The following SOX5 variants were observed in gnomAD, a reference collection of about 807,000 sequenced individuals.
SOX5 encodes the protein transcription factor SOX-5.
In SOX5, 9 loss-of-function variants were observed where a neutral mutation model predicts 92.0. That is an observed-to-expected ratio of 0.10 (90% CI 0.06 to 0.17). The LOEUF (loss-of-function observed/expected upper bound fraction) is 0.17. SOX5 is among the 10% of genes least tolerant of loss of function. The pLI, the probability that SOX5 is intolerant of heterozygous loss-of-function variation, is 1.00. For synonymous variants in SOX5, 344 were observed against 336.3 expected (o/e 1.02, Z -0.25); for missense variants, 642 against 944.5 (o/e 0.68, Z 4.20).
At chr12:23,726,296 A>C (rs1279421073) in intron 6 of SOX5, among the ~76,000 whole-genome samples, 3 of 152,146 alleles carry the variant, frequency 2.0e-5, no homozygotes, top group Non-Finnish European at 4.4e-5. Flanking sequence ...GATGTCTGGA[A>C]TGTATGTCTT....
chr12:24,470,679 A>G (rs1944718660), intron 1 of SOX5, among the ~76,000 whole-genome samples: 1 of 152,218 alleles, frequency 6.6e-6, no homozygotes. Flanking sequence ...TACAATGAGT[A>G]TTAGAAAACA....
intron 3 of SOX5, among the ~76,000 whole-genome samples, chr12:24,273,069 C>A (rs538083089): frequency 6.6e-6 from 1 of 152,248 alleles, no homozygotes; most frequent in Non-Finnish European, 1.5e-5. Context: ...CCCGTCTCTA[C>A]TAAAAGTATA....
chr12:23,781,844 G>C (rs934494326), intron 3 of SOX5, among the ~76,000 whole-genome samples: 1 of 151,998 alleles, frequency 6.6e-6, no homozygotes, highest in African/African-American at 2.4e-5. Flanking sequence ...CTAAATTAAA[G>C]GCCAAATACA....
intron 1 of SOX5, among the ~76,000 whole-genome samples, chr12:24,540,784 T>A (rs1952052328): frequency 6.6e-6 from 1 of 152,144 alleles, no homozygotes; most frequent in Non-Finnish European, 1.5e-5. Context: ...TATGAATGCA[T>A]AAATTATAGT....
At chr12:24,520,992 A>C (rs1369080038) in intron 1 of SOX5, among the ~76,000 whole-genome samples, 1 of 152,230 alleles carries the variant, frequency 6.6e-6, no homozygotes, top group Non-Finnish European at 1.5e-5. Flanking sequence ...AGAGTACCTA[A>C]ATACATAAAG....
intron 4 of SOX5, among the ~76,000 whole-genome samples, chr12:24,041,997 G>A (rs1262427486): frequency 6.6e-6 from 1 of 151,986 alleles, no homozygotes; most frequent in Non-Finnish European, 1.5e-5. Flanking sequence ...AATCATTAAG[G>A]TTGTTTGTTT....
intron 1 of SOX5, among the ~76,000 whole-genome samples, chr12:24,392,895 AG>A (rs1959143111): frequency 6.6e-6 from 1 of 152,130 alleles, no homozygotes; most frequent in Non-Finnish European, 1.5e-5. Context: ...GACTGGGGAC[AG>A]ATTCGGCAAG....
chr12:24,259,858 CA>C (rs1012392961), intron 3 of SOX5, among the ~76,000 whole-genome samples: 9 of 151,818 alleles, frequency 5.9e-5, no homozygotes, highest in African/African-American at 1.9e-4. Context: ...TTCCATAATT[CA>C]AAAAAATAAC....
chr12:24,457,586 T>C (rs1943159049), intron 1 of SOX5, among the ~76,000 whole-genome samples: 1 of 152,208 alleles, frequency 6.6e-6, no homozygotes, highest in South Asian at 2.1e-4. Flanking sequence ...TTCTAGTATT[T>C]GTAGTTTTAT....
Position 23,970,840 on chromosome 12 carries a change from A to ATTTTTTTTTT in SOX5, c.-1-74817_-1-74816insAAAAAAAAAA. 2.7e-4 allele frequency among the ~76,000 whole-genome samples: 9 copies of ATTTTTTTTTT among 33,480 alleles called. 1 individual carries two copies. The highest frequency in any genetic ancestry group is 7.2e-4 in the African/African-American group (7 of 9,768). The allele number at this position is 33,480 out of a possible 152,430, so 22.0% of individuals were successfully genotyped here. On this transcript the variant is annotated intron_variant, in intron 4 of 4. Coordinates refer to the SOX5 transcript ENST00000446891. ...CACATGGGACTTTATATATATATAT[A>ATTTTTTTTTT]ATTTTTTTTTTTTTTTAAGAAATGG...
chr12:24,193,014 AAATAATATGCATCT>A (rs1956675577), intron 4 of SOX5, among the ~76,000 whole-genome samples: 1 of 152,238 alleles, frequency 6.6e-6, no homozygotes, highest in South Asian at 2.1e-4. Context: ...ATGCAGGCTA[AAATAATATGCATCT>A]AATAATATGC....
intron 1 of SOX5, among the ~76,000 whole-genome samples, chr12:24,475,993 TAA>T (rs71450741): frequency 9.3e-5 from 8 of 86,118 alleles, no homozygotes; most frequent in Non-Finnish European, 1.1e-4. Context: ...GAAATACATT[TAA>T]AAAAAAAAAA....
At position 23,833,133 on chromosome 12, in the gene SOX5, A is replaced by G. The variant is rs532747421; in HGVS notation, c.481+12850T>C. ...ATTTTGCAAACAATTTCCAGGATCT[A>G]TAAAGCCTCTGAAGAAACTCATGAA... On this transcript the variant is annotated intron_variant, in intron 3 of 14. Transcript: ENST00000451604. Among the ~76,000 whole-genome samples the G allele has an allele frequency of 7.2e-5, 11 of 152,180 alleles. No individual in the cohort carries two copies. The East Asian group carries it at 2.1e-3, about 29-fold the overall frequency.
At chr12:23,765,283 G>T (rs899768615) in intron 3 of SOX5, among the ~76,000 whole-genome samples, 1 of 148,504 alleles carries the variant, frequency 6.7e-6, no homozygotes, top group Non-Finnish European at 1.5e-5. Context: ...ATTTGCAAAA[G>T]GGCGTTTAAT....
intron 9 of SOX5, among the ~76,000 whole-genome samples, chr12:23,593,686 TAA>T (rs1491335422): frequency 6.6e-6 from 1 of 152,136 alleles, no homozygotes; most frequent in East Asian, 1.9e-4. Context: ...ATAAATGATA[TAA>T]TTTTTTTTAC....
chr12:24,343,374 C>CT (rs1274040503), intron 2 of SOX5, among the ~76,000 whole-genome samples: 2 of 151,456 alleles, frequency 1.3e-5, no homozygotes, highest in African/African-American at 4.9e-5. Context: ...AATTCATGCC[C>CT]TTTTCTATTG....
chr12:23,785,388 G>C (rs966701251), intron 3 of SOX5, among the ~76,000 whole-genome samples: 1 of 152,084 alleles, frequency 6.6e-6, no homozygotes, highest in Admixed American at 6.5e-5. Context: ...TGTCATTTGT[G>C]TTTAAACCAA....
chr12:23,563,957 TAAAC>T, intron 10 of SOX5, among the ~76,000 whole-genome samples: 1 of 152,288 alleles, frequency 6.6e-6, no homozygotes, highest in Middle Eastern at 3.4e-3. Context: ...TATGGTGAAA[TAAAC>T]CACAGGTGGC....
intron 1 of SOX5, among the ~76,000 whole-genome samples, chr12:24,375,984 C>T (rs1294266610): frequency 6.6e-6 from 1 of 152,084 alleles, no homozygotes; most frequent in Non-Finnish European, 1.5e-5. Flanking sequence ...TCTCACTCAG[C>T]ATACAAAAGG....
Sources: gnomAD v4.1 joint callset for allele counts (sites outside exome capture counted in the v4.1 genomes callset) on GRCh38, gnomAD v4.1.1 for gene constraint, MANE v1.5 for transcripts, NCBI Gene and HGNC (gene_info 2026-07-23, HGNC 2026-07-21) for gene names.